Variants in CREB1 observed in about 807,000 individuals in gnomAD.
CREB1 encodes the protein cAMP responsive element binding protein 1.
In CREB1, 2 loss-of-function variants were observed where a neutral mutation model predicts 42.0. The ratio of observed to expected loss-of-function variants is 0.05; its 90% CI spans 0.02 to 0.15. CREB1 has a LOEUF of 0.15. Ranked by LOEUF, CREB1 falls within the 10% of genes least tolerant of loss-of-function variation. The pLI is 1.00. For missense variants in CREB1, 199 were observed against 388.9 expected (o/e 0.51, Z 4.11); for synonymous variants, 123 against 139.9 (o/e 0.88, Z 0.85).
chr2:207,588,641 G>T (rs991179714), intron 7 of CREB1, among the ~76,000 whole-genome samples: 2 of 151,060 alleles, frequency 1.3e-5, no homozygotes, highest in Non-Finnish European at 2.9e-5. Flanking sequence ...CTTAGTTTTT[G>T]ATTCCATGAA....
chr2:207,544,489 C>G (rs192272898), intron 1 of CREB1, among the ~76,000 whole-genome samples: 10 of 152,212 alleles, frequency 6.6e-5, no homozygotes, highest in South Asian at 2.1e-4. Context: ...CTGTCAAGCT[C>G]TTTCATATAT....
chr2:207,557,861 T>C (rs1438575657), intron 2 of CREB1, among the ~76,000 whole-genome samples: 1 of 152,180 alleles, frequency 6.6e-6, no homozygotes, highest in African/African-American at 2.4e-5. Flanking sequence ...GGATTATTCA[T>C]TGAGTTAGCT....
intron 1 of CREB1, among the ~76,000 whole-genome samples, chr2:207,535,829 T>G (rs2080849547): frequency 6.6e-6 from 1 of 151,896 alleles, no homozygotes; most frequent in African/African-American, 2.4e-5. Flanking sequence ...TTTTTATTTA[T>G]TTATTTTTTT....
rs1166083921 is a variant in CREB1 at position 207,604,151 on chromosome 2, G to A, written c.*7093G>A. On this transcript the variant is annotated 3_prime_UTR_variant, in exon 8 of 8. Coordinates refer to ENST00000353267, the MANE Select transcript of CREB1 (RefSeq NM_004379.5). Reference sequence around the variant, plus strand: ...TCGGGTCACCCTGCCACGTTCAGGTGCTTGGACCTTCAGGAAAAGATTGCC... The same window carrying A: ...TCGGGTCACCCTGCCACGTTCAGGTACTTGGACCTTCAGGAAAAGATTGCC... Among the ~76,000 whole-genome samples, 4 of 152,200 alleles carry A rather than the reference G, an allele frequency of 2.6e-5. No homozygotes were observed. Among genetic ancestry groups the A allele is most frequent in the African/African-American group, 4.8e-5 (2 of 41,460 alleles).
chr2:207,583,591 G>T (rs187008540), intron 7 of CREB1, among the ~76,000 whole-genome samples: 1 of 152,232 alleles, frequency 6.6e-6, no homozygotes, highest in African/African-American at 2.4e-5. Flanking sequence ...CCCTTTCAAT[G>T]AGGTTATATC....
chr2:207,594,656 T>G (rs1297935405), intron 7 of CREB1, among the ~76,000 whole-genome samples: 2 of 152,220 alleles, frequency 1.3e-5, no homozygotes, highest in Non-Finnish European at 2.9e-5. Context: ...TCTTGGCTAT[T>G]GTGAATAATG....
chr2:207,575,183 T>G, intron 5 of CREB1, 89 bp from the exon 6 acceptor site: 1 of 1,336,250 alleles, frequency 7.5e-7, no homozygotes, highest in Non-Finnish European at 1.0e-6. Flanking sequence ...TCTCCTAGAT[T>G]ATTTTACAAA....
chr2:207,538,746 A>T (rs2080976097), intron 1 of CREB1, among the ~76,000 whole-genome samples: 1 of 152,222 alleles, frequency 6.6e-6, no homozygotes, highest in African/African-American at 2.4e-5. Context: ...CAATGATGAT[A>T]GAATGTGTCT....
chr2:207,543,330 A>G (rs1040975224), intron 1 of CREB1, among the ~76,000 whole-genome samples: 1 of 152,170 alleles, frequency 6.6e-6, no homozygotes, highest in East Asian at 1.9e-4. Flanking sequence ...GTTATTTATT[A>G]TGAGAGAATT....
At chr2:207,532,690 A>G (rs1301052523) in intron 1 of CREB1, among the ~76,000 whole-genome samples, 1 of 151,960 alleles carries the variant, frequency 6.6e-6, no homozygotes, top group South Asian at 2.1e-4. Context: ...AAGTTTACTG[A>G]TAAGTTCTTT....
chr2:207,559,232 C>G lies in CREB1; in HGVS notation c.115-994C>G, dbSNP rs1052990842. On this transcript the variant is annotated intron_variant, in intron 2 of 7. Transcript: ENST00000353267. Reference sequence around the variant, plus strand: ...GCTTTTGCCACTACTCCACTCTGTGCTTGAAATTCTGTGACTCTTCCCTGT... The same window carrying G: ...GCTTTTGCCACTACTCCACTCTGTGGTTGAAATTCTGTGACTCTTCCCTGT... 4.5e-6 allele frequency: 4 copies of G among 890,538 alleles called. No homozygotes were observed. In the African/African-American group the frequency reaches 7.2e-5, roughly 16 times the overall value. 55.2% of individuals were successfully genotyped at this position (890,538 alleles called of 1,614,324 possible).
intron 1 of CREB1, among the ~76,000 whole-genome samples, chr2:207,543,854 C>G (rs1226052096): frequency 6.6e-6 from 1 of 152,182 alleles, no homozygotes; most frequent in Non-Finnish European, 1.5e-5. Flanking sequence ...CTGCCCACCT[C>G]AGCCTCCCAG....
chr2:207,548,704 T>G (rs1348305425), intron 1 of CREB1, among the ~76,000 whole-genome samples: 1 of 152,102 alleles, frequency 6.6e-6, no homozygotes, highest in Non-Finnish European at 1.5e-5. Context: ...TGAGCCGAGA[T>G]CACTCCATTG....
Position 207,566,554 on chromosome 2 carries a change from A to G in CREB1, c.262-909A>G, listed in dbSNP as rs185902044. On this transcript the variant is annotated intron_variant, in intron 3 of 7. Transcript: ENST00000353267. ...CTTCTGACAAACCTGGTTTGAGACT[A>G]TAACAGTCTGGTTTGAGACTGGAAC... 2.8e-3 allele frequency among the ~76,000 whole-genome samples: 427 copies of G among 152,326 alleles called. 6 individuals are homozygous for G. Among genetic ancestry groups the G allele is most frequent in the Admixed American group, 0.025 (385 of 15,302 alleles).
chr2:207,555,259 T>C (rs1322022461), intron 1 of CREB1, among the ~76,000 whole-genome samples: 1 of 152,190 alleles, frequency 6.6e-6, no homozygotes, highest in African/African-American at 2.4e-5. Flanking sequence ...CTGCCATCTC[T>C]CTGTACCTGA....
At chr2:207,533,049 A>G (rs1372012664) in intron 1 of CREB1, among the ~76,000 whole-genome samples, 1 of 151,678 alleles carries the variant, frequency 6.6e-6, no homozygotes, top group African/African-American at 2.4e-5. Context: ...GCACTGTTCC[A>G]GCCATGGATA....
chr2:207,535,136 C>T (rs1383838514), intron 1 of CREB1, among the ~76,000 whole-genome samples: 1 of 152,088 alleles, frequency 6.6e-6, no homozygotes, highest in African/African-American at 2.4e-5. Flanking sequence ...AAATGAAAAA[C>T]TTTCTATTTG....
At chr2:207,589,596 G>C (rs181853607) in intron 7 of CREB1, among the ~76,000 whole-genome samples, 9 of 152,290 alleles carry the variant, frequency 5.9e-5, no homozygotes, top group Admixed American at 4.6e-4. Context: ...TAGGGTCTCT[G>C]TAAAAAGCTC....
chr2:207,590,966 CTTCTTTTTT>C (rs2084925927), intron 7 of CREB1, among the ~76,000 whole-genome samples: 1 of 152,070 alleles, frequency 6.6e-6, no homozygotes. Context: ...TCCTTTGAGA[CTTCTTTTTT>C]GACCTATAGA....
Sources: allele counts gnomAD v4.1 joint callset (sites outside exome capture counted in the v4.1 genomes callset), GRCh38; gene constraint gnomAD v4.1.1; transcripts MANE v1.5; gene names NCBI Gene and HGNC (gene_info 2026-07-23, HGNC 2026-07-21).